TRPM3: variants seen among roughly 807,000 people sequenced by gnomAD.
TRPM3 encodes transient receptor potential cation channel subfamily M member 3, also known as long transient receptor potential channel 3.
A neutral mutation model predicts 181.2 loss-of-function variants in TRPM3; 77 were observed. The observed-to-expected ratio is 0.42, with a 90% CI of 0.35 to 0.51. The LOEUF is 0.51. Among genes scored for constraint, TRPM3 ranks in the 20% least tolerant of loss-of-function variants. TRPM3 has a pLI of 0.01. For missense variants in TRPM3, 1,759 were observed against 2,196.7 expected, an observed-to-expected ratio of 0.80 and a Z score of 3.98; for synonymous variants, 745 against 796.4, an observed-to-expected ratio of 0.94 and a Z score of 1.09.
chr9:71,382,852 A>G (rs2132883196), intron 1 of TRPM3, among the ~76,000 whole-genome samples: 1 of 152,050 alleles, frequency 6.6e-6, no homozygotes, highest in Non-Finnish European at 1.5e-5. Context: ...ATACTCATCA[A>G]CCACTGGGAT....
chr9:70,864,446 G>C lies in TRPM3; in HGVS notation c.243C>G (p.Thr81=). The change falls in exon 2 of 26, where the codon ACC becomes ACG. Residue 81 remains threonine (T), a synonymous_variant. Coordinates refer to ENST00000677713, the MANE Select transcript of TRPM3 (RefSeq NM_001366145.2). ...AGCAAGATTACCTATGGGGGTCTTT[G>C]GTGCTGGGTATGATGTGGACACATT... The part of the protein sequence containing the change: ...KRECVHIIPS[T]KDPHRCCCGR... 1.3e-6 allele frequency: 2 copies of C among 1,485,136 alleles called. No homozygotes were observed. The highest frequency in any genetic ancestry group is 1.8e-6 in the Non-Finnish European group (2 of 1,123,734). The allele number at this position is 1,485,136 out of a possible 1,614,324, so 92.0% of individuals were successfully genotyped here. A position where few individuals can be genotyped will look rare whatever the true frequency, so the allele number is the denominator to read the frequency against.
At position 70,828,025 on chromosome 9, in the gene TRPM3, G is replaced by T. The variant is rs1564478129; in HGVS notation, c.802-7C>A. On this transcript the variant is annotated splice_polypyrimidine_tract_variant and splice_region_variant and intron_variant, in intron 5 of 25. Coordinates refer to ENST00000677713, the MANE Select transcript of TRPM3 (RefSeq NM_001366145.2). ...TCTGGTATGGCCGGACAACCTGCAG[G>T]GTATCAAATGGAAGAGGCAGAAGTC... 3 of 1,603,184 alleles carry T rather than the reference G, an allele frequency of 1.9e-6. No individual in the cohort carries two copies. Among genetic ancestry groups the T allele is most frequent in the Non-Finnish European group, 2.6e-6 (3 of 1,172,868 alleles).
At chr9:70,874,006 A>T (rs980401810) in intron 1 of TRPM3, among the ~76,000 whole-genome samples, 2 of 151,912 alleles carry the variant, frequency 1.3e-5, no homozygotes, top group African/African-American at 4.8e-5. Context: ...ATAGCCTCTA[A>T]ACTTAAATCA....
At chr9:71,376,875 C>T (rs915001409) in intron 1 of TRPM3, among the ~76,000 whole-genome samples, 2 of 152,036 alleles carry the variant, frequency 1.3e-5, no homozygotes, top group Non-Finnish European at 2.9e-5. Flanking sequence ...TAAGTGTTCT[C>T]TATTTTTTAT....
upstream of TRPM3, chr9:71,121,671 G>T (rs986824501): frequency 1.1e-5 from 12 of 1,105,272 alleles, no homozygotes; most frequent in East Asian, 5.7e-5. Context: ...TCAGGCGTTG[G>T]GGGGGAACCG....
In TRPM3 at chr9:70,864,545, AAAAG is replaced by A. The variant is rs754785197; in HGVS notation, c.178-38_178-35del. The A allele has an allele frequency of 5.7e-6, 8 of 1,403,446 alleles. No individual in the cohort carries two copies. In the African/African-American group the frequency reaches 1.0e-4, roughly 18 times the overall value. 86.9% of individuals were successfully genotyped at this position (1,403,446 alleles called of 1,614,324 possible). A position where few individuals can be genotyped will look rare whatever the true frequency, so the allele number is the denominator to read the frequency against. ...GAAAACAAAAAAAAAAAAAAAAGAA[AAAAG>A]AAAGAAAGGTGAACATACCGTGAAA... On this transcript the variant is annotated intron_variant, in intron 1 of 25. Transcript: ENST00000677713.
intron 1 of TRPM3, among the ~76,000 whole-genome samples, chr9:71,216,667 A>T (rs1029971732): frequency 1.7e-4 from 26 of 152,204 alleles, no homozygotes; most frequent in Non-Finnish European, 2.4e-4. Context: ...ACATATTCAT[A>T]TCTAGCTAGA....
At chr9:71,301,404 C>T (rs930747780) in intron 1 of TRPM3, among the ~76,000 whole-genome samples, 25 of 152,094 alleles carry the variant, frequency 1.6e-4, no homozygotes, top group Non-Finnish European at 1.0e-4. Flanking sequence ...TCTTAATTCC[C>T]AAGGGTCACT....
chr9:71,310,621 G>A (rs368196434), intron 1 of TRPM3, among the ~76,000 whole-genome samples: 40 of 152,210 alleles, frequency 2.6e-4, no homozygotes, highest in East Asian at 1.9e-3. Context: ...CAAGGGGGGT[G>A]TCTTGTATGA....
At chr9:70,780,923 T>C (rs1346168615) in intron 7 of TRPM3, among the ~76,000 whole-genome samples, 2 of 152,202 alleles carry the variant, frequency 1.3e-5, no homozygotes, top group African/African-American at 4.8e-5. Flanking sequence ...TCATATTCTT[T>C]GATAATCAGC....
At chr9:70,975,735 C>T (rs185374424) in intron 1 of TRPM3, among the ~76,000 whole-genome samples, 3 of 152,298 alleles carry the variant, frequency 2.0e-5, no homozygotes, top group Non-Finnish European at 1.5e-5. Flanking sequence ...GCCAGCCTTC[C>T]TCTCAGTAGG....
intron 1 of TRPM3, among the ~76,000 whole-genome samples, chr9:71,231,982 G>A (rs1388847153): frequency 9.2e-5 from 14 of 152,102 alleles, no homozygotes; most frequent in African/African-American, 2.4e-4. Context: ...TAAATGTCAC[G>A]TTTATATTAG....
intron 1 of TRPM3, among the ~76,000 whole-genome samples, chr9:70,961,012 T>C (rs1266754139): frequency 2.0e-5 from 3 of 152,138 alleles, no homozygotes; most frequent in Non-Finnish European, 2.9e-5. Flanking sequence ...CCCTGAAACC[T>C]GGGAATATGT....
chr9:71,201,271 G>C (rs2078772087), intron 1 of TRPM3, among the ~76,000 whole-genome samples: 1 of 152,074 alleles, frequency 6.6e-6, no homozygotes, highest in African/African-American at 2.4e-5. Flanking sequence ...TTCCCTTTGT[G>C]GGTAACCCGA....
intron 9 of TRPM3, among the ~76,000 whole-genome samples, chr9:70,674,364 G>A (rs1351580475): frequency 6.6e-6 from 1 of 152,100 alleles, no homozygotes; most frequent in East Asian, 1.9e-4. Context: ...GATTTAACTA[G>A]GTTTTACTAA....
intron 1 of TRPM3, among the ~76,000 whole-genome samples, chr9:71,257,278 G>C (rs2082731220): frequency 6.6e-6 from 1 of 152,158 alleles, no homozygotes. Context: ...ATAGGGAAGA[G>C]AGTTGGGAGA....
intron 1 of TRPM3, among the ~76,000 whole-genome samples, chr9:70,940,015 G>A (rs1029608186): frequency 6.6e-6 from 1 of 152,112 alleles, no homozygotes; most frequent in Non-Finnish European, 1.5e-5. Flanking sequence ...AAACAACTTT[G>A]GTTCTTGTTT....
chr9:70,922,788 G>T (rs1589801506), intron 1 of TRPM3, among the ~76,000 whole-genome samples: 1 of 152,124 alleles, frequency 6.6e-6, no homozygotes, highest in African/African-American at 2.4e-5. Context: ...GCAGCTAAGT[G>T]GTCTCAGTCT....
At position 71,118,812 on chromosome 9, in the gene TRPM3, G is replaced by A. The variant is rs188981756; in HGVS notation, c.177+2366C>T. Among the ~76,000 whole-genome samples, 5 of 152,198 alleles carry A rather than the reference G, an allele frequency of 3.3e-5. No individual in the cohort carries two copies. The East Asian group carries it at 9.6e-4, about 29-fold the overall frequency. ...GAGGGAGGTGGAACAAGAGAGAGAAGGGGGAGGAAGGGAGGGAGGAGAAAG... is the reference window on the plus strand; with the variant it reads ...GAGGGAGGTGGAACAAGAGAGAGAAAGGGGAGGAAGGGAGGGAGGAGAAAG... On this transcript the variant is annotated intron_variant, in intron 1 of 25. Coordinates refer to ENST00000677713, the MANE Select transcript of TRPM3 (RefSeq NM_001366145.2).
Sources: gnomAD v4.1 joint callset for allele counts (sites outside exome capture counted in the v4.1 genomes callset) on GRCh38, gnomAD v4.1.1 for gene constraint, MANE v1.5 for transcripts, NCBI Gene and HGNC (gene_info 2026-07-23, HGNC 2026-07-21) for gene names.